NEGR1: variants seen among roughly 807,000 people sequenced by gnomAD.
NEGR1 encodes the protein neuronal growth regulator 1.
NEGR1 carries 10 observed loss-of-function variants against 40.9 expected under a neutral mutation model. The observed-to-expected ratio is 0.24, with a 90% CI of 0.15 to 0.42. The LOEUF (loss-of-function observed/expected upper bound fraction) is 0.42, where lower values mean the gene tolerates loss of function less well. Ranked by LOEUF, NEGR1 falls within the 10% of genes least tolerant of loss-of-function variation. The probability of loss-of-function intolerance (pLI) is 1.00; values close to 1 mark genes in which losing one functional copy is unlikely to be tolerated. For synonymous variants in NEGR1, 185 were observed against 166.8 expected (o/e 1.11, Z -0.84); for missense variants, 352 against 438.9 (o/e 0.80, Z 1.77).
intron 4 of NEGR1, among the ~76,000 whole-genome samples, chr1:71,686,648 C>G (rs1653049698): frequency 6.6e-6 from 1 of 152,128 alleles, no homozygotes; most frequent in African/African-American, 2.4e-5. Flanking sequence ...CAATGTAGTC[C>G]AAGCAGTAGG....
rs567272421 is a variant in NEGR1, at chr1:71,999,244, C to T, written c.177-63933G>A. ...AGGCCATCATTACTTGGAAAAATAT[C>T]TTCTATTTTAAAAGAGTTCAACTTT... On this transcript the variant is annotated intron_variant, in intron 1 of 6. Transcript: ENST00000357731. Among the ~76,000 whole-genome samples, 3 of 152,018 alleles carry T rather than the reference C, an allele frequency of 2.0e-5. No homozygotes were observed. The South Asian group carries it at 6.2e-4, about 32-fold the overall frequency.
At chr1:71,632,645 T>G (rs1570129875) in intron 4 of NEGR1, among the ~76,000 whole-genome samples, 1 of 151,846 alleles carries the variant, frequency 6.6e-6, no homozygotes, top group Non-Finnish European at 1.5e-5. Context: ...ATTATCTCCA[T>G]AAGTACATTA....
At chr1:72,086,299 G>A (rs546085478) in intron 1 of NEGR1, among the ~76,000 whole-genome samples, 73 of 152,296 alleles carry the variant, frequency 4.8e-4, no homozygotes, top group African/African-American at 1.6e-3. Flanking sequence ...CAGACTGTAT[G>A]ACACCAGCCT....
Position 71,783,770 on chromosome 1 carries a change from T to C in NEGR1, c.410-7473A>G, listed in dbSNP as rs138934179. The stretch of plus-strand genomic sequence containing the variant: ...CACGAGTTTTTCTCAATCTATTCTG[T>C]CCTTCGTGGGGTCACCTATAAAAAT... On this transcript the variant is annotated intron_variant, in intron 2 of 6. Transcript: ENST00000357731. 1.3e-3 allele frequency among the ~76,000 whole-genome samples: 194 copies of C among 152,228 alleles called. 3 individuals carry two copies. In the East Asian group the frequency reaches 0.021, roughly 16 times the overall value.
intron 1 of NEGR1, among the ~76,000 whole-genome samples, chr1:72,230,761 C>T (rs1014780524): frequency 2.0e-5 from 3 of 152,120 alleles, no homozygotes; most frequent in African/African-American, 7.2e-5. Flanking sequence ...GTCCAACATC[C>T]TGTCAACCAA....
chr1:71,801,780 C>T (rs1028852016), intron 2 of NEGR1, among the ~76,000 whole-genome samples: 1 of 152,154 alleles, frequency 6.6e-6, no homozygotes, highest in Non-Finnish European at 1.5e-5. Flanking sequence ...CCAAACACTC[C>T]AATAGTTTCT....
chr1:71,994,671 C>T (rs530042618), intron 1 of NEGR1, among the ~76,000 whole-genome samples: 54 of 151,992 alleles, frequency 3.6e-4, no homozygotes, highest in Middle Eastern at 3.4e-3. Flanking sequence ...GTTTATTTTC[C>T]GCATGGTTTT....
At chr1:71,689,296 A>G (rs945581693) in intron 4 of NEGR1, among the ~76,000 whole-genome samples, 1 of 152,192 alleles carries the variant, frequency 6.6e-6, no homozygotes, top group Non-Finnish European at 1.5e-5. Context: ...AGGTGAATTC[A>G]TGCAGTCTCT....
rs144884776 is a variant in NEGR1 at position 72,017,383 on chromosome 1, A to G, written c.177-82072T>C. On this transcript the variant is annotated intron_variant, in intron 1 of 6. Transcript: ENST00000357731. The stretch of plus-strand genomic sequence containing the variant: ...TTTGACATTATTTCTTTACAAAATT[A>G]GGCCTCTATTATAAAGTAAACTTCT... Among the ~76,000 whole-genome samples the G allele has an allele frequency of 2.7e-3, 417 of 152,306 alleles. 4 individuals are homozygous for G. The highest frequency in any genetic ancestry group is 9.8e-3 in the African/African-American group (407 of 41,578).
Position 72,236,770 on chromosome 1 carries a change from T to C in NEGR1, c.176+45549A>G, listed in dbSNP as rs540344675. On this transcript the variant is annotated intron_variant, in intron 1 of 6. Transcript: ENST00000357731. ...GTTGTCTTGGCTGTTTTTGATGATA[T>C]AATTCATTTTTCCTGTAGTTTACAG... Among the ~76,000 whole-genome samples, 29 of 152,126 alleles carry C rather than the reference T, an allele frequency of 1.9e-4. No homozygotes were observed. In the South Asian group the frequency reaches 2.9e-3, roughly 15 times the overall value.
chr1:71,802,487 C>G (rs1020601639), intron 2 of NEGR1, among the ~76,000 whole-genome samples: 1 of 152,092 alleles, frequency 6.6e-6, no homozygotes, highest in African/African-American at 2.4e-5. Context: ...CACCATAGGC[C>G]CAGAGCATGC....
intron 2 of NEGR1, among the ~76,000 whole-genome samples, chr1:71,934,218 A>G (rs1260970847): frequency 6.6e-6 from 1 of 152,166 alleles, no homozygotes; most frequent in African/African-American, 2.4e-5. Flanking sequence ...GAAATAATGT[A>G]AAAGGTAAAA....
chr1:71,718,401 AGCCTTC>A (rs1654346430), intron 3 of NEGR1, among the ~76,000 whole-genome samples: 1 of 152,164 alleles, frequency 6.6e-6, no homozygotes, highest in Non-Finnish European at 1.5e-5. Context: ...AAGTTCCTTG[AGCCTTC>A]ACCAGAAGCT....
chr1:71,908,719 C>T (rs1661345652), intron 2 of NEGR1, among the ~76,000 whole-genome samples: 1 of 152,118 alleles, frequency 6.6e-6, no homozygotes, highest in Non-Finnish European at 1.5e-5. Flanking sequence ...AAATCCTCTT[C>T]AATGTCTAAA....
At chr1:71,556,310 G>A (rs931216972) in intron 6 of NEGR1, among the ~76,000 whole-genome samples, 26 of 151,440 alleles carry the variant, frequency 1.7e-4, no homozygotes, top group South Asian at 2.1e-4. Flanking sequence ...TAAAACAATT[G>A]GTTCATTAGC....
intron 3 of NEGR1, among the ~76,000 whole-genome samples, chr1:71,775,926 G>A (rs1210690975): frequency 6.6e-6 from 1 of 151,702 alleles, no homozygotes; most frequent in Non-Finnish European, 1.5e-5. Context: ...CTGGGAGGCG[G>A]AGGTTGCAGT....
intron 1 of NEGR1, among the ~76,000 whole-genome samples, chr1:72,165,509 A>C (rs572064039): frequency 1.3e-5 from 2 of 152,138 alleles, no homozygotes; most frequent in Admixed American, 1.3e-4. Flanking sequence ...GAGAGGATGA[A>C]GCATTACAAA....
chr1:71,783,786 C>A (rs913664284), intron 2 of NEGR1, among the ~76,000 whole-genome samples: 5 of 152,014 alleles, frequency 3.3e-5, no homozygotes, highest in Middle Eastern at 3.2e-3. Flanking sequence ...GTGGGGTCAC[C>A]TATAAAAATC....
chr1:71,461,478 A>G (rs1311207794), intron 6 of NEGR1: 27 of 152,230 alleles, frequency 1.8e-4, no homozygotes, highest in Admixed American at 1.5e-3. Context: ...CTGAATGCAT[A>G]ATCAGTTTCC....
Sources: allele counts gnomAD v4.1 joint callset (sites outside exome capture counted in the v4.1 genomes callset), GRCh38; gene constraint gnomAD v4.1.1; transcripts MANE v1.5; gene names NCBI Gene and HGNC (gene_info 2026-07-23, HGNC 2026-07-21).